Variants in BNIP2 observed in about 807,000 individuals in gnomAD.
BNIP2 encodes the protein BCL2 interacting protein 2.
A neutral mutation model predicts 43.4 loss-of-function variants in BNIP2; 36 were observed. That is an observed-to-expected ratio of 0.83 (90% CI 0.64 to 1.10). The LOEUF (loss-of-function observed/expected upper bound fraction) is 1.10. Among genes scored for constraint, BNIP2 ranks in the 50% least tolerant of loss-of-function variants. The pLI, the probability that BNIP2 is intolerant of heterozygous loss-of-function variation, is 0.00. For synonymous variants in BNIP2, 146 were observed against 121.0 expected (o/e 1.21, Z -1.35); for missense variants, 417 against 374.1 (o/e 1.11, Z -0.95).
rs1450424125 is a variant in BNIP2, at chr15:59,666,764, A to G, written c.893+2128T>C. Among the ~76,000 whole-genome samples the G allele has an allele frequency of 2.0e-5, 3 of 152,316 alleles. No individual in the cohort carries two copies. In the South Asian group the frequency reaches 6.2e-4, roughly 32 times the overall value. ...TTTATTATTTTTTAAGACTAAAGAA[A>G]CTACAAAAAACAGAACGTTTTTGAA... On this transcript the variant is annotated intron_variant, in intron 9 of 9. Coordinates refer to ENST00000607373, the MANE Select transcript of BNIP2 (RefSeq NM_004330.4).
intron 5 of BNIP2, among the ~76,000 whole-genome samples, chr15:59,677,541 A>G (rs1401659632): frequency 6.6e-6 from 1 of 152,194 alleles, no homozygotes; most frequent in East Asian, 1.9e-4. Flanking sequence ...TACTTTACCA[A>G]AGGAGGGGAG....
chr15:59,677,257 C>A, intron 5 of BNIP2: 1 of 1,596,974 alleles, frequency 6.3e-7, no homozygotes, highest in Non-Finnish European at 8.6e-7. Context: ...GACTGCTTGA[C>A]TGAAGTATAC....
In BNIP2 at chr15:59,661,313, G is replaced by C. The variant is rs1398512233; in HGVS notation, c.*2756C>G. 1 of 119,642 alleles carries C rather than the reference G, an allele frequency of 8.4e-6. No homozygotes were observed. Among genetic ancestry groups the C allele is most frequent in the African/African-American group, 3.2e-5 (1 of 30,880 alleles). 7.4% of individuals were successfully genotyped at this position (119,642 alleles called of 1,614,324 possible). A position where few individuals can be genotyped will look rare whatever the true frequency, so the allele number is the denominator to read the frequency against. ...CCACTGCACTCCAGAATGGGTGACA[G>C]AGTGAGTCTCTGTCTCCAAAAAAAA... On this transcript the variant is annotated 3_prime_UTR_variant, in exon 10 of 10. Transcript: ENST00000607373.
In BNIP2 at chr15:59,677,961, C is replaced by G. The variant is rs765030240; in HGVS notation, c.422G>C (p.Arg141Thr). ...RMFRIGEQDH[R>T]VDMKAIEPYK... ...GGGTTCAATTGCCTTCATATCAACCCTGTGGTCCTGTTCTCCAATCCTGAA... is the reference window on the plus strand; with the variant it reads ...GGGTTCAATTGCCTTCATATCAACCGTGTGGTCCTGTTCTCCAATCCTGAA... Residue 141 changes from arginine (R) to threonine (T), a missense_variant, in exon 5 of 10, where the codon AGG (arginine) becomes ACG (threonine). Transcript: ENST00000607373. 1.2e-6 allele frequency: 2 copies of G among 1,613,962 alleles called. No homozygotes were observed. The highest frequency in any genetic ancestry group is 1.7e-6 in the Non-Finnish European group (2 of 1,179,874).
At chr15:59,669,107 A>T in intron 8 of BNIP2, 117 bp from the exon 9 acceptor site, 2 of 1,132,452 alleles carry the variant, frequency 1.8e-6, no homozygotes, top group Non-Finnish European at 2.6e-6. Context: ...AAAGATGATA[A>T]ATGTCTGAGG....
At chr15:59,683,222 T>G (rs1452765969) in intron 1 of BNIP2, among the ~76,000 whole-genome samples, 1 of 24 alleles carries the variant, frequency 0.042, no homozygotes. Context: ...AGGAATCACG[T>G]GAGTCCAATA....
At chr15:59,664,620 A>T (rs1452699468) in intron 9 of BNIP2, among the ~76,000 whole-genome samples, 2 of 152,098 alleles carry the variant, frequency 1.3e-5, no homozygotes, top group Middle Eastern at 3.2e-3. Context: ...TGACCTCGTG[A>T]TCTGCCTGCC....
chr15:59,679,262 C>T, intron 4 of BNIP2: 1 of 194,824 alleles, frequency 5.1e-6, no homozygotes, highest in South Asian at 9.5e-5. Context: ...CCCCAAATGC[C>T]TCCTTTCAGA....
At position 59,663,018 on chromosome 15, in the gene BNIP2, A is replaced by G. The variant is rs1180591344; in HGVS notation, c.*1051T>C. On this transcript the variant is annotated 3_prime_UTR_variant, in exon 10 of 10. Coordinates refer to ENST00000607373, the MANE Select transcript of BNIP2 (RefSeq NM_004330.4). ...TTACAGTATTGTCAAACATGATTTC[A>G]TACAAACTTGAATAAACACCACATC... 1 of 152,642 alleles carries G rather than the reference A, an allele frequency of 6.6e-6. No individual in the cohort carries two copies. The highest frequency in any genetic ancestry group is 1.5e-5 in the Non-Finnish European group (1 of 68,040). The allele number at this position is 152,642 out of a possible 1,614,324, so 9.5% of individuals were successfully genotyped here.
At chr15:59,674,799 A>C (rs1893163366) in intron 5 of BNIP2, among the ~76,000 whole-genome samples, 1 of 151,880 alleles carries the variant, frequency 6.6e-6, no homozygotes, top group Admixed American at 6.5e-5. Flanking sequence ...GTTAACTTCT[A>C]TATATGGTAC....
At position 59,679,909 on chromosome 15, in the gene BNIP2, T is replaced by C. The variant is rs1893551224; in HGVS notation, c.119-141A>G. Reference sequence around the variant, plus strand: ...AATTTCAAAGCACCTATTCACAAAATTTTTATTCTGATCATTATTGCTTCT... The same window carrying C: ...AATTTCAAAGCACCTATTCACAAAACTTTTATTCTGATCATTATTGCTTCT... On this transcript the variant is annotated intron_variant, in intron 3 of 9. Transcript: ENST00000607373. The C allele has an allele frequency of 1.4e-5, 11 of 775,454 alleles. No homozygotes were observed. In the South Asian group the frequency reaches 2.2e-4, roughly 16 times the overall value. The allele number at this position is 775,454 out of a possible 1,614,324, so 48.0% of individuals were successfully genotyped here. A position where few individuals can be genotyped will look rare whatever the true frequency, so the allele number is the denominator to read the frequency against.
chr15:59,689,268 TC>T lies in BNIP2; in HGVS notation c.-192del, dbSNP rs1166172605. ...GTCGGCGGTGGAGACCCCGGCCCAATCCCCCGGCCGCAGCGGTACGGCGTCG... is the reference window on the plus strand; with the variant it reads ...GTCGGCGGTGGAGACCCCGGCCCAATCCCCGGCCGCAGCGGTACGGCGTCG... On this transcript the variant is annotated 5_prime_UTR_variant, in exon 1 of 10. Coordinates refer to ENST00000607373, the MANE Select transcript of BNIP2 (RefSeq NM_004330.4). 2 of 1,544,262 alleles carry T rather than the reference TC, an allele frequency of 1.3e-6. No homozygotes were observed. Among genetic ancestry groups the T allele is most frequent in the African/African-American group, 1.4e-5 (1 of 72,734 alleles).
In BNIP2 at chr15:59,679,778, G is replaced by A. The variant is rs1344085061; in HGVS notation, c.119-10C>T. ...TTAACTTCTAGTGAGCCTGGAATTG[G>A]AAAATAAAGAAAAAGATACGTAACA... On this transcript the variant is annotated splice_polypyrimidine_tract_variant and intron_variant, in intron 3 of 9. Transcript: ENST00000607373. 6 of 1,454,134 alleles carry A rather than the reference G, an allele frequency of 4.1e-6. No homozygotes were observed. The African/African-American group carries it at 4.4e-5, about 11-fold the overall frequency. The allele number at this position is 1,454,134 out of a possible 1,614,324, so 90.1% of individuals were successfully genotyped here.
chr15:59,688,708 A>G, intron 1 of BNIP2: 7 of 1,535,474 alleles, frequency 4.6e-6, no homozygotes, highest in Non-Finnish European at 6.1e-6. Context: ...TTCCGTGTCT[A>G]TTCCCCGCGG....
In BNIP2 at chr15:59,668,784, G is replaced by A. The variant is rs566036102; in HGVS notation, c.893+108C>T. The A allele has an allele frequency of 1.3e-4, 135 of 1,002,426 alleles. 1 individual carries two copies. Among genetic ancestry groups the A allele is most frequent in the South Asian group, 7.5e-4 (43 of 57,000 alleles). The allele number at this position is 1,002,426 out of a possible 1,614,324, so 62.1% of individuals were successfully genotyped here. Reference sequence around the variant, plus strand: ...CACACACACACACACGCGCGCGCGCGCACAGTTATAAAATATAATACATAA... The same window carrying A: ...CACACACACACACACGCGCGCGCGCACACAGTTATAAAATATAATACATAA... On this transcript the variant is annotated intron_variant, in intron 9 of 9. Transcript: ENST00000607373.
chr15:59,664,145 T>G, intron 9 of BNIP2, 25 bp from the exon 10 acceptor site: 1 of 1,440,266 alleles, frequency 6.9e-7, no homozygotes, highest in Non-Finnish European at 9.4e-7. Context: ...ATATATAAAA[T>G]AAGAAACCAG....
At chr15:59,664,156 C>T in intron 9 of BNIP2, 36 bp from the exon 10 acceptor site, 2 of 1,331,876 alleles carry the variant, frequency 1.5e-6, no homozygotes, top group East Asian at 2.6e-5. Context: ...AAGAAACCAG[C>T]AACTGAACAA....
Position 59,671,265 on chromosome 15 carries a change from C to T in BNIP2, c.625G>A (p.Val209Ile), listed in dbSNP as rs1343931204. Residue 209 changes from valine (V) to isoleucine (I), a missense_variant, in exon 7 of 10, where the codon GTT (valine) becomes ATT (isoleucine). Coordinates refer to ENST00000607373, the MANE Select transcript of BNIP2 (RefSeq NM_004330.4). Reference sequence around the variant, plus strand: ...CGAGTTGTTGCACCATTTAAATAAACTATCATGTAGTTTTCTGCTACTAAT... The same window carrying T: ...CGAGTTGTTGCACCATTTAAATAAATTATCATGTAGTTTTCTGCTACTAAT... Reference protein sequence around the residue: ...ELLVAENYMIVYLNGATTRRK... With the variant: ...ELLVAENYMIIYLNGATTRRK... The T allele has an allele frequency of 6.3e-7, 1 of 1,597,756 alleles. No individual in the cohort carries two copies. Among genetic ancestry groups the T allele is most frequent in the Non-Finnish European group, 8.5e-7 (1 of 1,171,142 alleles).
intron 5 of BNIP2, among the ~76,000 whole-genome samples, chr15:59,674,272 A>G (rs1482589933): frequency 1.0e-5 from 1 of 100,300 alleles, no homozygotes; most frequent in Non-Finnish European, 2.4e-5. Context: ...AAATTTGCAC[A>G]TGAAAAGATT....
Sources: allele counts gnomAD v4.1 joint callset (sites outside exome capture counted in the v4.1 genomes callset), GRCh38; gene constraint gnomAD v4.1.1; transcripts MANE v1.5; gene names NCBI Gene and HGNC (gene_info 2026-07-23, HGNC 2026-07-21).